LINGO2: variants seen among roughly 807,000 people sequenced by gnomAD.
The protein encoded by LINGO2 is leucine rich repeat and Ig domain containing 2, also known as leucine-rich repeat and immunoglobulin-like domain-containing nogo receptor-interacting protein 2.
Under a neutral mutation model 30.6 loss-of-function variants are expected in LINGO2, and 14 were observed. The ratio of observed to expected loss-of-function variants is 0.46; its 90% CI spans 0.30 to 0.72. The LOEUF is 0.72. LINGO2 is among the 30% of genes least tolerant of loss of function. LINGO2 has a pLI of 0.07. For missense variants in LINGO2, 729 were observed against 751.7 expected, an observed-to-expected ratio of 0.97 and a Z score of 0.35; for synonymous variants, 317 against 288.5, an observed-to-expected ratio of 1.10 and a Z score of -1.00.
chr9:28,884,453 C>T, the LINGO2 span, among the ~76,000 whole-genome samples: 1 of 151,660 alleles, frequency 6.6e-6, no homozygotes, highest in Non-Finnish European at 1.5e-5. Flanking sequence ...GACTTACTAT[C>T]GAAAAGAATA....
chr9:28,290,036 C>G (rs1057284850), intron 4 of LINGO2, among the ~76,000 whole-genome samples: 6 of 152,194 alleles, frequency 3.9e-5, no homozygotes, highest in Non-Finnish European at 8.8e-5. Context: ...GTCTTCCTTT[C>G]TAGTGTTGCC....
At chr9:29,198,137 C>T in the LINGO2 span, among the ~76,000 whole-genome samples, 1 of 152,198 alleles carries the variant, frequency 6.6e-6, no homozygotes, top group Non-Finnish European at 1.5e-5. Context: ...ACAAACTATG[C>T]TCTAATAGTC....
At chr9:28,159,647 C>T in intron 4 of LINGO2, among the ~76,000 whole-genome samples, 1 of 147,738 alleles carries the variant, frequency 6.8e-6, no homozygotes, top group South Asian at 2.1e-4. Flanking sequence ...GAAAAAAAAA[C>T]AAAGACTAGT....
intron 1 of LINGO2, among the ~76,000 whole-genome samples, chr9:28,591,217 C>G (rs966243480): frequency 2.6e-5 from 4 of 151,770 alleles, no homozygotes; most frequent in African/African-American, 7.3e-5. Flanking sequence ...TAAATGATGA[C>G]TTAATGGGTG....
At chr9:28,675,546 A>T in the LINGO2 span, among the ~76,000 whole-genome samples, 1 of 152,082 alleles carries the variant, frequency 6.6e-6, no homozygotes, top group Non-Finnish European at 1.5e-5. Context: ...AAGTTTATAA[A>T]ATTAATATTA....
the LINGO2 span, among the ~76,000 whole-genome samples, chr9:28,725,206 G>A: frequency 4.6e-5 from 7 of 151,948 alleles, no homozygotes; most frequent in South Asian, 2.1e-4. Flanking sequence ...TTACCTATAT[G>A]TATGCGTATT....
intron 1 of LINGO2, among the ~76,000 whole-genome samples, chr9:28,568,316 G>T (rs531192606): frequency 2.2e-4 from 34 of 152,104 alleles, no homozygotes; most frequent in African/African-American, 6.7e-4. Flanking sequence ...AGACACGGGG[G>T]TCTACTTGTG....
At chr9:28,545,688 C>T (rs1028600959) in intron 1 of LINGO2, among the ~76,000 whole-genome samples, 6 of 151,898 alleles carry the variant, frequency 4.0e-5, no homozygotes, top group Non-Finnish European at 8.8e-5. Context: ...TCCTTAGGTG[C>T]TAGCCTGGGT....
At chr9:28,001,955 A>G (rs563230834) in intron 5 of LINGO2, among the ~76,000 whole-genome samples, 1 of 152,246 alleles carries the variant, frequency 6.6e-6, no homozygotes, top group African/African-American at 2.4e-5. Context: ...CACACCACAC[A>G]GTTGAAAATT....
chr9:27,979,122 T>A (rs140773356), intron 5 of LINGO2, among the ~76,000 whole-genome samples: 160 of 152,096 alleles, frequency 1.1e-3, no homozygotes, highest in African/African-American at 3.8e-3. Context: ...TGCTTTACAT[T>A]GTGAGCTGTG....
the LINGO2 span, among the ~76,000 whole-genome samples, chr9:28,800,098 A>G: frequency 6.6e-6 from 1 of 152,094 alleles, no homozygotes; most frequent in African/African-American, 2.4e-5. Flanking sequence ...CAGAATCAAA[A>G]TGACATTTTA....
intron 1 of LINGO2, among the ~76,000 whole-genome samples, chr9:28,524,481 G>A (rs528195173): frequency 2.6e-5 from 4 of 152,282 alleles, no homozygotes; most frequent in Admixed American, 6.5e-5. Context: ...AGGGCCGGGC[G>A]TGGTGGCTCA....
At chr9:28,260,954 A>G (rs978375228) in intron 4 of LINGO2, among the ~76,000 whole-genome samples, 1 of 151,972 alleles carries the variant, frequency 6.6e-6, no homozygotes. Flanking sequence ...TGTCACCATC[A>G]GAAATCTTGG....
chr9:29,197,837 G>A, the LINGO2 span, among the ~76,000 whole-genome samples: 1 of 152,022 alleles, frequency 6.6e-6, no homozygotes, highest in South Asian at 2.1e-4. Context: ...GACAGCAACA[G>A]TTTTCACATG....
the LINGO2 span, among the ~76,000 whole-genome samples, chr9:28,678,158 A>C: frequency 2.7e-3 from 410 of 150,888 alleles, 2 homozygotes; most frequent in African/African-American, 9.5e-3. Flanking sequence ...AAAAAAAAAA[A>C]ACTTTATTTT....
At chr9:27,976,690 C>T (rs1345482689) in intron 5 of LINGO2, among the ~76,000 whole-genome samples, 1 of 151,988 alleles carries the variant, frequency 6.6e-6, no homozygotes, top group Non-Finnish European at 1.5e-5. Context: ...CTATACCATA[C>T]GGCCTAATAT....
chr9:28,064,375 G>C (rs1825247686), intron 4 of LINGO2, among the ~76,000 whole-genome samples: 1 of 152,094 alleles, frequency 6.6e-6, no homozygotes, highest in African/African-American at 2.4e-5. Context: ...AGAGTCACTG[G>C]CACAAGTCCT....
At chr9:28,866,074 G>C in the LINGO2 span, among the ~76,000 whole-genome samples, 1 of 151,890 alleles carries the variant, frequency 6.6e-6, no homozygotes, top group African/African-American at 2.4e-5. Context: ...TCCCTCTTTA[G>C]ACAGCATTCA....
chr9:28,652,740 G>A (rs1487134310), intron 1 of LINGO2, among the ~76,000 whole-genome samples: 2 of 151,694 alleles, frequency 1.3e-5, no homozygotes, highest in Non-Finnish European at 2.9e-5. Context: ...TAGTGCCTCA[G>A]GTAGATTAAA....
Sources: gnomAD v4.1 joint callset for allele counts (sites outside exome capture counted in the v4.1 genomes callset) on GRCh38, gnomAD v4.1.1 for gene constraint, MANE v1.5 for transcripts, NCBI Gene and HGNC (gene_info 2026-07-23, HGNC 2026-07-21) for gene names.